Variants in SPATS2L observed in about 807,000 individuals in gnomAD.
The protein encoded by SPATS2L is spermatogenesis associated serine rich 2 like.
A neutral mutation model predicts 59.6 loss-of-function variants in SPATS2L; 30 were observed. That is an observed-to-expected ratio of 0.50 (90% CI 0.38 to 0.68). The LOEUF is 0.68. SPATS2L is among the 30% of genes least tolerant of loss of function. The pLI is 0.00. For missense variants in SPATS2L, 615 were observed against 700.0 expected, an observed-to-expected ratio of 0.88 and a Z score of 1.37; for synonymous variants, 252 against 263.5, an observed-to-expected ratio of 0.96 and a Z score of 0.42.
At chr2:200,348,499 C>T (rs931807671) in intron 2 of SPATS2L, among the ~76,000 whole-genome samples, 1 of 152,158 alleles carries the variant, frequency 6.6e-6, no homozygotes, top group Non-Finnish European at 1.5e-5. Context: ...CCACGGGACA[C>T]GTCATTGGAG....
chr2:200,450,426 G>C (rs970743836), intron 8 of SPATS2L, among the ~76,000 whole-genome samples: 4 of 152,170 alleles, frequency 2.6e-5, no homozygotes, highest in Non-Finnish European at 4.4e-5. Flanking sequence ...ATTACTTGAT[G>C]AAGAGAGAAG....
intron 12 of SPATS2L, among the ~76,000 whole-genome samples, chr2:200,474,763 C>T (rs2087376519): frequency 6.6e-6 from 1 of 152,082 alleles, no homozygotes. Context: ...GGTAATGGCT[C>T]ATTTAAGTTG....
intron 2 of SPATS2L, among the ~76,000 whole-genome samples, chr2:200,389,019 G>T (rs1042929552): frequency 6.6e-6 from 1 of 152,116 alleles, no homozygotes; most frequent in Non-Finnish European, 1.5e-5. Flanking sequence ...ATGAATAAAA[G>T]ATTTTACTTT....
intron 6 of SPATS2L, among the ~76,000 whole-genome samples, chr2:200,425,927 C>T (rs547808732): frequency 6.6e-6 from 1 of 152,168 alleles, no homozygotes; most frequent in East Asian, 1.9e-4. Flanking sequence ...CCCACTGTGA[C>T]GTAAGTGTCT....
intron 12 of SPATS2L, among the ~76,000 whole-genome samples, chr2:200,473,939 T>G (rs910755463): frequency 4.6e-5 from 7 of 151,878 alleles, no homozygotes; most frequent in Non-Finnish European, 8.8e-5. Flanking sequence ...GGCGGAGGTT[T>G]CAGTGAGCCA....
chr2:200,397,630 A>G (rs961798748), intron 3 of SPATS2L, among the ~76,000 whole-genome samples: 3 of 151,604 alleles, frequency 2.0e-5, no homozygotes, highest in African/African-American at 7.3e-5. Flanking sequence ...TACTTATCCT[A>G]TAGTAATATA....
intron 1 of SPATS2L, among the ~76,000 whole-genome samples, chr2:200,326,901 A>ATTTTT (rs755351538): frequency 3.0e-5 from 3 of 99,080 alleles, no homozygotes; most frequent in Non-Finnish European, 5.8e-5. Context: ...TGCCCGGCTA[A>ATTTTT]TTTTTTTTTT....
At chr2:200,415,700 T>G (rs1238378058) in intron 4 of SPATS2L, among the ~76,000 whole-genome samples, 1 of 152,004 alleles carries the variant, frequency 6.6e-6, no homozygotes, top group African/African-American at 2.4e-5. Context: ...TTAATATAAT[T>G]TGAATATAAT....
At chr2:200,348,076 T>C (rs2080579545) in intron 2 of SPATS2L, among the ~76,000 whole-genome samples, 1 of 152,212 alleles carries the variant, frequency 6.6e-6, no homozygotes, top group African/African-American at 2.4e-5. Flanking sequence ...ACATTGTTTC[T>C]GAACATAAAG....
intron 3 of SPATS2L, among the ~76,000 whole-genome samples, chr2:200,400,194 A>G (rs2082481654): frequency 6.6e-6 from 1 of 152,188 alleles, no homozygotes; most frequent in South Asian, 2.1e-4. Context: ...TAATAAATTA[A>G]AGTATAGAAT....
intron 2 of SPATS2L, among the ~76,000 whole-genome samples, chr2:200,338,676 A>G (rs2080221925): frequency 6.6e-6 from 1 of 152,246 alleles, no homozygotes; most frequent in African/African-American, 2.4e-5. Flanking sequence ...GTTTTGCTGC[A>G]TCTTACCATA....
intron 10 of SPATS2L, among the ~76,000 whole-genome samples, chr2:200,468,268 G>A (rs1186433047): frequency 6.7e-6 from 1 of 150,110 alleles, no homozygotes; most frequent in Non-Finnish European, 1.5e-5. Context: ...ATAGTTACCA[G>A]GAAGGCAAGT....
chr2:200,425,978 T>C (rs1195780295), intron 6 of SPATS2L, among the ~76,000 whole-genome samples: 1 of 152,038 alleles, frequency 6.6e-6, no homozygotes, highest in Non-Finnish European at 1.5e-5. Flanking sequence ...CAATTCAGGC[T>C]CTCTCATGCC....
rs115945556 is a variant in SPATS2L at position 200,364,914 on chromosome 2, G to C, written c.-22-24309G>C. Among the ~76,000 whole-genome samples, 1,093 of 152,254 alleles carry C rather than the reference G, an allele frequency of 7.2e-3. 10 individuals carry two copies. Among genetic ancestry groups the C allele is most frequent in the African/African-American group, 0.025 (1,027 of 41,558 alleles). On this transcript the variant is annotated intron_variant, in intron 2 of 12. Transcript: ENST00000409140. ...ACTGGGCTGGAAGAATAAACTCCGT[G>C]TATTGTTTTCTTATTTTTGCTTTGT...
At chr2:200,446,076 C>T (rs541666382) in intron 8 of SPATS2L, among the ~76,000 whole-genome samples, 34 of 152,130 alleles carry the variant, frequency 2.2e-4, no homozygotes, top group Non-Finnish European at 4.6e-4. Flanking sequence ...CAGTGGCTCA[C>T]GCCTGTAATC....
chr2:200,463,750 C>T (rs2086402477), intron 9 of SPATS2L, among the ~76,000 whole-genome samples: 1 of 152,162 alleles, frequency 6.6e-6, no homozygotes, highest in African/African-American at 2.4e-5. Flanking sequence ...CATAGTAACA[C>T]AAACAAATTA....
intron 3 of SPATS2L, chr2:200,393,258 TGGACAGACCAATA>T (rs1448093514): frequency 2.2e-6 from 1 of 456,576 alleles, no homozygotes; most frequent in Non-Finnish European, 4.4e-6. Flanking sequence ...ACATGGCTGG[TGGACAGACCAATA>T]TGGTAGGCAG....
intron 1 of SPATS2L, among the ~76,000 whole-genome samples, chr2:200,307,152 C>G (rs1315034075): frequency 6.6e-6 from 1 of 151,112 alleles, no homozygotes; most frequent in Non-Finnish European, 1.5e-5. Flanking sequence ...TTTCTCCAGC[C>G]GGCGCGGGCA....
intron 9 of SPATS2L, among the ~76,000 whole-genome samples, chr2:200,465,001 A>G (rs2086493741): frequency 6.6e-6 from 1 of 152,216 alleles, no homozygotes; most frequent in African/African-American, 2.4e-5. Context: ...CCTTTAAGTA[A>G]TAGATTAATT....
Sources: allele counts gnomAD v4.1 joint callset (sites outside exome capture counted in the v4.1 genomes callset), GRCh38; gene constraint gnomAD v4.1.1; transcripts MANE v1.5; gene names NCBI Gene and HGNC (gene_info 2026-07-23, HGNC 2026-07-21).